Variants in ARHGEF3 observed in about 807,000 individuals in gnomAD.
ARHGEF3 encodes the protein 59.8 kDA protein.
A neutral mutation model predicts 63.2 loss-of-function variants in ARHGEF3; 28 were observed. That is an observed-to-expected ratio of 0.44 (90% CI 0.33 to 0.61). The LOEUF (loss-of-function observed/expected upper bound fraction) is 0.61. Among genes scored for constraint, ARHGEF3 ranks in the 20% least tolerant of loss-of-function variants. ARHGEF3 has a pLI of 0.03. For missense variants in ARHGEF3, 533 were observed against 659.3 expected, an observed-to-expected ratio of 0.81 and a Z score of 2.10; for synonymous variants, 266 against 254.2, an observed-to-expected ratio of 1.05 and a Z score of -0.44.
intron 1 of ARHGEF3, among the ~76,000 whole-genome samples, chr3:57,040,851 C>A (rs1248274139): frequency 6.6e-6 from 1 of 152,042 alleles, no homozygotes; most frequent in Non-Finnish European, 1.5e-5. Context: ...ACCAGACTGA[C>A]CTGGAACTGA....
intron 4 of ARHGEF3, among the ~76,000 whole-genome samples, chr3:56,880,643 G>A (rs886413943): frequency 6.6e-6 from 1 of 152,132 alleles, no homozygotes; most frequent in African/African-American, 2.4e-5. Context: ...GAGGGGACTG[G>A]AATACATACA....
intron 3 of ARHGEF3, 149 bp downstream of exon 3, chr3:56,754,832 C>T: frequency 9.6e-7 from 1 of 1,044,812 alleles, no homozygotes; most frequent in Non-Finnish European, 1.3e-6. Flanking sequence ...TTTCTCAGTT[C>T]CTTCCCCAAG....
At chr3:57,039,213 A>G (rs1275203546) in intron 1 of ARHGEF3, among the ~76,000 whole-genome samples, 1 of 152,110 alleles carries the variant, frequency 6.6e-6, no homozygotes, top group Non-Finnish European at 1.5e-5. Flanking sequence ...ATTTGCTGAT[A>G]CCTCCTGCAT....
intron 4 of ARHGEF3, among the ~76,000 whole-genome samples, chr3:56,842,189 C>T (rs564252266): frequency 2.0e-5 from 3 of 152,268 alleles, no homozygotes; most frequent in African/African-American, 7.2e-5. Context: ...AGTGTTTCCC[C>T]AAGCATGGCC....
At chr3:57,036,803 G>A (rs1465739860) in intron 1 of ARHGEF3, among the ~76,000 whole-genome samples, 1 of 152,218 alleles carries the variant, frequency 6.6e-6, no homozygotes, top group Non-Finnish European at 1.5e-5. Flanking sequence ...GAATGGTCCA[G>A]CACCGTTGCA....
At chr3:56,760,801 T>C (rs956150626) in intron 2 of ARHGEF3, among the ~76,000 whole-genome samples, 15 of 152,190 alleles carry the variant, frequency 9.9e-5, no homozygotes, top group African/African-American at 3.6e-4. Flanking sequence ...AATATAAATC[T>C]ACTTAAGGAA....
intron 3 of ARHGEF3, among the ~76,000 whole-genome samples, chr3:56,943,234 C>A (rs1560070026): frequency 6.6e-6 from 1 of 152,200 alleles, no homozygotes; most frequent in Non-Finnish European, 1.5e-5. Context: ...GACAGAATGA[C>A]TTTCTTATTA....
In ARHGEF3 at chr3:56,926,978, T is replaced by C. The variant is rs932069913; in HGVS notation, c.129+31845A>G. ...GTGTGCAGCCCCAGAGGTCTGGAAA[T>C]GCCAAGCCAGCCGGGGTGGTGAGGG... On this transcript the variant is annotated intron_variant, in intron 3 of 12. Transcript: ENST00000338458. 2.0e-5 allele frequency among the ~76,000 whole-genome samples: 3 copies of C among 152,096 alleles called. 1 individual carries two copies. Among genetic ancestry groups the C allele is most frequent in the Admixed American group, 2.0e-4 (3 of 15,276 alleles).
At chr3:56,956,971 G>A (rs1018661621) in intron 3 of ARHGEF3, among the ~76,000 whole-genome samples, 5 of 152,142 alleles carry the variant, frequency 3.3e-5, no homozygotes, top group Admixed American at 6.5e-5. Context: ...GAGTCTCCAC[G>A]TACATCAACA....
At chr3:56,767,546 T>G (rs1271254757) in intron 2 of ARHGEF3, among the ~76,000 whole-genome samples, 1 of 128,304 alleles carries the variant, frequency 7.8e-6, no homozygotes, top group African/African-American at 3.1e-5. Flanking sequence ...ATTGCGCCAC[T>G]GCACTCCAGC....
intron 4 of ARHGEF3, chr3:56,882,160 T>TG (rs2040788244): frequency 1.2e-6 from 1 of 813,894 alleles, no homozygotes; most frequent in African/African-American, 1.7e-5. Context: ...TAAAAAAAAT[T>TG]TCCCCCAGGT....
intron 3 of ARHGEF3, among the ~76,000 whole-genome samples, chr3:56,908,580 A>T (rs2041767482): frequency 1.3e-5 from 2 of 152,226 alleles, no homozygotes; most frequent in Admixed American, 6.5e-5. Flanking sequence ...GGGACAAGAC[A>T]ACTCAGTTTT....
intron 3 of ARHGEF3, among the ~76,000 whole-genome samples, chr3:56,929,338 T>A (rs1276009153): frequency 6.6e-6 from 1 of 152,222 alleles, no homozygotes; most frequent in East Asian, 1.9e-4. Flanking sequence ...GAAGGGACGG[T>A]TTACATGCCA....
intron 2 of ARHGEF3, chr3:56,975,713 G>A: frequency 2.7e-6 from 1 of 371,448 alleles, no homozygotes; most frequent in South Asian, 2.0e-5. Flanking sequence ...TAAAACCATT[G>A]CAGAAGCAGC....
chr3:56,826,948 TCACATTGTATACCAGGATAAG>T (rs2038735332), intron 4 of ARHGEF3, among the ~76,000 whole-genome samples: 1 of 152,208 alleles, frequency 6.6e-6, no homozygotes, highest in Admixed American at 6.5e-5. Flanking sequence ...TAATTTTTTT[TCACATTGTATACCAGGATAAG>T]CACCAAATAC....
chr3:56,873,253 C>T (rs1028913337), intron 4 of ARHGEF3, among the ~76,000 whole-genome samples: 39 of 149,104 alleles, frequency 2.6e-4, no homozygotes, highest in African/African-American at 8.6e-4. Flanking sequence ...TAAGTTCAGG[C>T]TTATATGTCA....
chr3:56,910,313 T>C (rs938761008), intron 3 of ARHGEF3, among the ~76,000 whole-genome samples: 1 of 152,192 alleles, frequency 6.6e-6, no homozygotes, highest in African/African-American at 2.4e-5. Context: ...TTTGGCCACC[T>C]TGGCACCTGG....
At chr3:56,815,824 G>A (rs564466018) in intron 4 of ARHGEF3, among the ~76,000 whole-genome samples, 10 of 152,318 alleles carry the variant, frequency 6.6e-5, no homozygotes, top group East Asian at 1.9e-4. Flanking sequence ...TTGCTGCCTT[G>A]TGGATTCTGC....
intron 3 of ARHGEF3, among the ~76,000 whole-genome samples, chr3:56,944,344 T>A (rs1157375151): frequency 6.6e-6 from 1 of 152,106 alleles, no homozygotes; most frequent in Non-Finnish European, 1.5e-5. Flanking sequence ...GAGGTCAAAA[T>A]TCCAACATTA....
Sources: gnomAD v4.1 joint callset for allele counts (sites outside exome capture counted in the v4.1 genomes callset) on GRCh38, gnomAD v4.1.1 for gene constraint, MANE v1.5 for transcripts, NCBI Gene and HGNC (gene_info 2026-07-23, HGNC 2026-07-21) for gene names.